The following MRTFB variants were observed in gnomAD, a reference collection of about 807,000 sequenced individuals.
MRTFB encodes myocardin-related transcription factor B.
MRTFB carries 29 observed loss-of-function variants against 104.2 expected under a neutral mutation model. That is an observed-to-expected ratio of 0.28 (90% CI 0.21 to 0.38). MRTFB has a LOEUF of 0.38. MRTFB is among the 10% of genes least tolerant of loss of function. The probability of loss-of-function intolerance (pLI) is 1.00; values close to 1 mark genes in which losing one functional copy is unlikely to be tolerated. For missense variants in MRTFB, 1,270 were observed against 1,341.6 expected (o/e 0.95, Z 0.83); for synonymous variants, 535 against 519.5 (o/e 1.03, Z -0.41).
chr16:13,998,539 A>C, the MRTFB span, among the ~76,000 whole-genome samples: 1 of 151,984 alleles, frequency 6.6e-6, no homozygotes, highest in Non-Finnish European at 1.5e-5. Flanking sequence ...CCAGCTACTC[A>C]GGAGGCCGAG....
rs1645121084 is a variant in MRTFB, at chr16:14,079,965, A to T, written c.-64+611A>T. On this transcript the variant is annotated intron_variant, in intron 2 of 16. Transcript: ENST00000571589. Reference sequence around the variant, plus strand: ...ATATAGTAGTCTTTTTTAATGGAAAAATATGTTTTGTACATCTCTGCGGGA... The same window carrying T: ...ATATAGTAGTCTTTTTTAATGGAAATATATGTTTTGTACATCTCTGCGGGA... Among the ~76,000 whole-genome samples the T allele has an allele frequency of 2.0e-5, 3 of 152,168 alleles. No homozygotes were observed. In the South Asian group the frequency reaches 6.2e-4, roughly 32 times the overall value.
chr16:14,023,675 G>GTA, the MRTFB span, among the ~76,000 whole-genome samples: 378 of 145,110 alleles, frequency 2.6e-3, 3 homozygotes, highest in South Asian at 7.9e-3. Context: ...GTGTGTGTGT[G>GTA]TCTATATATA....
chr16:14,057,670 C>T, the MRTFB span, among the ~76,000 whole-genome samples: 20 of 152,136 alleles, frequency 1.3e-4, no homozygotes, highest in African/African-American at 4.6e-4. Context: ...TCTGTTTTTC[C>T]GTCCTTTCAT....
At chr16:14,010,163 A>G in the MRTFB span, among the ~76,000 whole-genome samples, 1 of 152,134 alleles carries the variant, frequency 6.6e-6, no homozygotes, top group African/African-American at 2.4e-5. Context: ...GGAAGGAAGA[A>G]ATAGCTTGAG....
intron 1 of MRTFB, among the ~76,000 whole-genome samples, chr16:14,076,509 C>G (rs1014114947): frequency 2.0e-5 from 3 of 152,186 alleles, no homozygotes; most frequent in Non-Finnish European, 4.4e-5. Context: ...AAACATTTTT[C>G]TAAACAACTG....
chr16:14,131,652 C>T (rs1411835124), intron 2 of MRTFB, among the ~76,000 whole-genome samples: 2 of 151,684 alleles, frequency 1.3e-5, no homozygotes, highest in Admixed American at 1.3e-4. Flanking sequence ...ATGGGTATTT[C>T]TGTAAATAAG....
chr16:14,127,703 A>C (rs570658891), intron 2 of MRTFB, among the ~76,000 whole-genome samples: 7 of 150,130 alleles, frequency 4.7e-5, no homozygotes, highest in African/African-American at 1.7e-4. Flanking sequence ...TGACCACTCC[A>C]TTGCACCGTC....
rs543005923 is a variant in MRTFB at position 14,180,400 on chromosome 16, T to C, written c.155-29843T>C. Among the ~76,000 whole-genome samples the C allele has an allele frequency of 1.4e-4, 22 of 152,322 alleles. No individual in the cohort carries two copies. In the South Asian group the frequency reaches 2.7e-3, roughly 19 times the overall value. ...GATCATATCATCTGAGGAAAGTTCT[T>C]TGTTGTAAATCTTGTAGTCAGTTGT... On this transcript the variant is annotated intron_variant, in intron 3 of 16. Transcript: ENST00000571589.
intron 2 of MRTFB, among the ~76,000 whole-genome samples, chr16:14,099,917 G>A (rs1182366177): frequency 2.0e-5 from 3 of 152,036 alleles, no homozygotes; most frequent in Non-Finnish European, 4.4e-5. Flanking sequence ...AACCCACCTC[G>A]GACTCCCAAA....
intron 6 of MRTFB, among the ~76,000 whole-genome samples, chr16:14,214,176 A>G (rs2041317596): frequency 1.3e-5 from 2 of 152,204 alleles, no homozygotes; most frequent in African/African-American, 4.8e-5. Flanking sequence ...TTTGGTTAAC[A>G]CATGGGTCAG....
intron 2 of MRTFB, among the ~76,000 whole-genome samples, chr16:14,111,444 G>A (rs189844753): frequency 3.5e-4 from 54 of 152,204 alleles, no homozygotes; most frequent in Non-Finnish European, 6.9e-4. Flanking sequence ...CCCACTTGCT[G>A]TGGACATTGA....
chr16:14,026,396 T>C, the MRTFB span, among the ~76,000 whole-genome samples: 4 of 152,206 alleles, frequency 2.6e-5, 1 homozygote, highest in Non-Finnish European at 5.9e-5. Flanking sequence ...TCACAACTTA[T>C]GCAAAAATTA....
At chr16:14,155,585 G>T (rs1264089497) in intron 3 of MRTFB, among the ~76,000 whole-genome samples, 1 of 152,134 alleles carries the variant, frequency 6.6e-6, no homozygotes, top group Non-Finnish European at 1.5e-5. Context: ...CTTTGGTTTG[G>T]TAGGCAGCTA....
chr16:14,054,436 C>G, the MRTFB span, among the ~76,000 whole-genome samples: 1 of 152,062 alleles, frequency 6.6e-6, no homozygotes, highest in Non-Finnish European at 1.5e-5. Context: ...AGGCTGGTCT[C>G]CAATTCCTGA....
In MRTFB at chr16:14,246,753, A is replaced by C; in HGVS notation, c.1493A>C (p.Asn498Thr). The part of the protein sequence containing the change: ...TGTSNATRVE[N>T]VHSPLPISPS... ...ACCAGCAACGCAACCCGTGTGGAAA[A>C]TGTTCATTCCCCTCTGCCCATTTCA... The change falls in exon 12 of 17, where the codon AAT becomes ACT. Residue 498 changes from asparagine (N) to threonine (T), a missense_variant. Coordinates refer to ENST00000571589, the MANE Select transcript of MRTFB (RefSeq NM_001308142.2). 6.2e-7 allele frequency: 1 copy of C among 1,614,158 alleles called. No homozygotes were observed. The highest frequency in any genetic ancestry group is 1.1e-5 in the South Asian group (1 of 91,080).
intron 1 of MRTFB, among the ~76,000 whole-genome samples, chr16:14,072,689 G>A (rs1666103658): frequency 1.3e-5 from 2 of 152,154 alleles, no homozygotes; most frequent in Admixed American, 1.3e-4. Flanking sequence ...CTACTTCAGG[G>A]AAAGAGCAGA....
intron 1 of MRTFB, among the ~76,000 whole-genome samples, chr16:14,072,163 G>T (rs2033743642): frequency 6.6e-6 from 1 of 152,146 alleles, no homozygotes; most frequent in Admixed American, 6.5e-5. Context: ...CCACTCTTGG[G>T]AACAGTGGTT....
chr16:14,150,995 T>C (rs1250572797), intron 3 of MRTFB: 1 of 152,216 alleles, frequency 6.6e-6, no homozygotes, highest in Non-Finnish European at 1.5e-5. Flanking sequence ...TTTACTTCTA[T>C]GTGCAATTTC....
intron 10 of MRTFB, 49 bp from the exon 11 acceptor site, chr16:14,245,479 A>G (rs750412477): frequency 6.6e-7 from 1 of 1,526,392 alleles, no homozygotes; most frequent in Non-Finnish European, 8.9e-7. Context: ...GCAATGTCAA[A>G]TCTAGAAATT....
Sources: allele counts gnomAD v4.1 joint callset (sites outside exome capture counted in the v4.1 genomes callset), GRCh38; gene constraint gnomAD v4.1.1; transcripts MANE v1.5; gene names NCBI Gene and HGNC (gene_info 2026-07-23, HGNC 2026-07-21).